Variants in MMP16 observed in about 807,000 individuals in gnomAD.
The protein encoded by MMP16 is matrix metallopeptidase 16, also known as matrix metalloproteinase-16.
MMP16 carries 12 observed loss-of-function variants against 67.8 expected under a neutral mutation model. The ratio of observed to expected loss-of-function variants is 0.18; its 90% CI spans 0.11 to 0.29. MMP16 has a LOEUF of 0.29. Among genes scored for constraint, MMP16 ranks in the 10% least tolerant of loss-of-function variants. MMP16 has a pLI of 1.00. For missense variants in MMP16, 475 were observed against 765.7 expected (o/e 0.62, Z 4.48); for synonymous variants, 249 against 255.9 (o/e 0.97, Z 0.26).
chr8:88,048,828 ATT>A (rs1402201306), intron 8 of MMP16, among the ~76,000 whole-genome samples: 1 of 152,166 alleles, frequency 6.6e-6, no homozygotes, highest in African/African-American at 2.4e-5. Context: ...TGACTTAGCC[ATT>A]TTATCTGAAA....
intron 6 of MMP16, among the ~76,000 whole-genome samples, chr8:88,088,542 C>G (rs971729206): frequency 6.6e-6 from 1 of 151,980 alleles, no homozygotes; most frequent in Non-Finnish European, 1.5e-5. Context: ...AAGCAAAACA[C>G]CCCTGAAAGA....
chr8:88,310,264 G>A (rs933559081), intron 1 of MMP16, among the ~76,000 whole-genome samples: 1 of 152,096 alleles, frequency 6.6e-6, no homozygotes, highest in African/African-American at 2.4e-5. Context: ...AATGAAGATA[G>A]AAAGCGCTAT....
chr8:88,209,625 GTATGTATTCTACTCTCTC>G (rs1455281857), intron 1 of MMP16, among the ~76,000 whole-genome samples: 40 of 6,992 alleles, frequency 5.7e-3, no homozygotes, highest in African/African-American at 0.012. Flanking sequence ...GTATTTGACT[GTATGTATTCTACTCTCTC>G]TATGTATTCT....
chr8:88,180,237 C>T (rs370845277), intron 3 of MMP16, among the ~76,000 whole-genome samples: 5 of 151,234 alleles, frequency 3.3e-5, no homozygotes, highest in Non-Finnish European at 5.9e-5. Context: ...GCTGAGATTG[C>T]GCCATTTCAC....
At chr8:88,245,393 T>C (rs144211206) in intron 1 of MMP16, among the ~76,000 whole-genome samples, 131 of 152,260 alleles carry the variant, frequency 8.6e-4, no homozygotes, top group African/African-American at 2.9e-3. Context: ...ATGGATGCAC[T>C]CTCTGACAGG....
In MMP16 at chr8:88,039,591, G is replaced by T. The variant is rs1230148284; in HGVS notation, c.*1870C>A. ...AGACAATGTTTAAGTTGTTGTTAAT[G>T]ACAGTCAATAGATCAATAATCAAGT... On this transcript the variant is annotated 3_prime_UTR_variant, in exon 10 of 10. Coordinates refer to ENST00000286614, the MANE Select transcript of MMP16 (RefSeq NM_005941.5). This position sits in a 1 kb window ranked among gnomAD's most constrained non-coding sequence, Gnocchi z 4.5. 1 of 152,722 alleles carries T rather than the reference G, an allele frequency of 6.5e-6. No individual in the cohort carries two copies. The highest frequency in any genetic ancestry group is 2.4e-5 in the African/African-American group (1 of 41,570). 9.5% of individuals were successfully genotyped at this position (152,722 alleles called of 1,614,324 possible).
intron 6 of MMP16, among the ~76,000 whole-genome samples, chr8:88,077,974 A>T (rs1808678747): frequency 1.3e-5 from 2 of 152,296 alleles, no homozygotes; most frequent in African/African-American, 4.8e-5. Context: ...GGAGGGAAAG[A>T]AAGATGAATA....
intron 3 of MMP16, among the ~76,000 whole-genome samples, chr8:88,170,569 C>G (rs1286947948): frequency 1.3e-5 from 2 of 152,132 alleles, no homozygotes; most frequent in East Asian, 3.8e-4. Flanking sequence ...TGGCACTGTT[C>G]CAGGTGCCAG....
intron 1 of MMP16, among the ~76,000 whole-genome samples, chr8:88,234,647 T>TA (rs1809913001): frequency 6.6e-6 from 1 of 152,206 alleles, no homozygotes; most frequent in Non-Finnish European, 1.5e-5. Context: ...AACTCAGAGT[T>TA]AGACTCTGAC....
chr8:88,054,951 T>A (rs1032092351), intron 8 of MMP16, among the ~76,000 whole-genome samples: 1 of 152,164 alleles, frequency 6.6e-6, no homozygotes, highest in African/African-American at 2.4e-5. Flanking sequence ...TGTATTTTCT[T>A]AAAAATTTAC....
At chr8:88,291,368 A>G (rs538670613) in intron 1 of MMP16, among the ~76,000 whole-genome samples, 6 of 152,306 alleles carry the variant, frequency 3.9e-5, no homozygotes, top group African/African-American at 1.4e-4. Context: ...ATGTGGCTAA[A>G]ATTTTTAGAA....
intron 3 of MMP16, among the ~76,000 whole-genome samples, chr8:88,171,267 C>T (rs1168085421): frequency 6.6e-6 from 1 of 152,110 alleles, no homozygotes; most frequent in Non-Finnish European, 1.5e-5. Context: ...ATACAAGATA[C>T]CTGTACACCA....
At chr8:88,286,753 T>G (rs1810838881) in intron 1 of MMP16, among the ~76,000 whole-genome samples, 1 of 151,886 alleles carries the variant, frequency 6.6e-6, no homozygotes, top group Admixed American at 6.6e-5. Context: ...TTTTTTGTAT[T>G]TTTAGTAGAG....
At chr8:88,222,564 T>G (rs897223701) in intron 1 of MMP16, among the ~76,000 whole-genome samples, 8 of 152,198 alleles carry the variant, frequency 5.3e-5, no homozygotes, top group African/African-American at 1.9e-4. Context: ...CATCTGATCT[T>G]TGACAAACCT....
intron 6 of MMP16, among the ~76,000 whole-genome samples, chr8:88,111,590 C>T (rs62525943): frequency 0.14 from 21,784 of 151,626 alleles, 1,986 homozygotes; most frequent in Middle Eastern, 0.21. Context: ...GCCTTGTGAG[C>T]AACTGAAATA....
At chr8:88,066,485 G>T (rs1808464876) in intron 7 of MMP16, among the ~76,000 whole-genome samples, 1 of 151,998 alleles carries the variant, frequency 6.6e-6, no homozygotes, top group African/African-American at 2.4e-5. Flanking sequence ...GCATAAAGGA[G>T]AACGACTCAG....
At chr8:88,286,471 T>C (rs1810833542) in intron 1 of MMP16, among the ~76,000 whole-genome samples, 1 of 152,142 alleles carries the variant, frequency 6.6e-6, no homozygotes, top group East Asian at 1.9e-4. Flanking sequence ...TCAAACTCCA[T>C]ATGTTCCAAA....
At chr8:88,138,911 A>G (rs1046259296) in intron 4 of MMP16, among the ~76,000 whole-genome samples, 1 of 152,136 alleles carries the variant, frequency 6.6e-6, no homozygotes, top group Non-Finnish European at 1.5e-5. Flanking sequence ...CTGTCAACAT[A>G]GCCAAGGCAT....
intron 1 of MMP16, among the ~76,000 whole-genome samples, chr8:88,262,515 C>T (rs1460196096): frequency 6.6e-6 from 1 of 152,190 alleles, no homozygotes; most frequent in Non-Finnish European, 1.5e-5. Context: ...AGGCTCCTCG[C>T]TAGCAGTATT....
Sources: gnomAD v4.1 joint callset for allele counts (sites outside exome capture counted in the v4.1 genomes callset) on GRCh38, gnomAD v4.1.1 for gene constraint, Gnocchi (gnomAD v3.1) non-coding constraint, MANE v1.5 for transcripts, NCBI Gene and HGNC (gene_info 2026-07-23, HGNC 2026-07-21) for gene names.